Variants in TENM3 observed in about 807,000 individuals in gnomAD.
The protein encoded by TENM3 is teneurin-3.
In TENM3, 63 loss-of-function variants were observed where a neutral mutation model predicts 255.1. That is an observed-to-expected ratio of 0.25 (90% CI 0.20 to 0.30). The LOEUF is 0.30. Among genes scored for constraint, TENM3 ranks in the 10% least tolerant of loss-of-function variants. The pLI, the probability that TENM3 is intolerant of heterozygous loss-of-function variation, is 1.00. For missense variants in TENM3, 2,929 were observed against 3,461.1 expected, an observed-to-expected ratio of 0.85 and a Z score of 3.86; for synonymous variants, 1,306 against 1,322.3, an observed-to-expected ratio of 0.99 and a Z score of 0.27.
chr4:181,573,286 T>A, the TENM3 span, among the ~76,000 whole-genome samples: 2 of 152,344 alleles, frequency 1.3e-5, no homozygotes, highest in South Asian at 4.1e-4. Context: ...CATATGGTAG[T>A]TCTATTTTTA....
chr4:182,694,103 A>T (rs1401717169), intron 12 of TENM3, among the ~76,000 whole-genome samples: 1 of 151,548 alleles, frequency 6.6e-6, no homozygotes, highest in Non-Finnish European at 1.5e-5. Context: ...ATTTTTTTTT[A>T]ATTTTCATTT....
At chr4:181,972,686 G>T in the TENM3 span, among the ~76,000 whole-genome samples, 1 of 152,142 alleles carries the variant, frequency 6.6e-6, no homozygotes, top group Non-Finnish European at 1.5e-5. Flanking sequence ...CTGGTGCCCA[G>T]TGATTGCAGG....
chr4:181,689,418 G>T, the TENM3 span, among the ~76,000 whole-genome samples: 2 of 152,164 alleles, frequency 1.3e-5, no homozygotes, highest in African/African-American at 4.8e-5. Flanking sequence ...CTGTCAAGAT[G>T]GTTTCCCTGC....
At chr4:182,577,000 CCCCACCCACA>C (rs1373478624) in intron 3 of TENM3, among the ~76,000 whole-genome samples, 1 of 152,182 alleles carries the variant, frequency 6.6e-6, no homozygotes, top group Admixed American at 6.5e-5. Flanking sequence ...CCTGTCCCAG[CCCCACCCACA>C]CCCTCTGTGT....
the TENM3 span, among the ~76,000 whole-genome samples, chr4:181,801,877 G>A: frequency 8.6e-4 from 130 of 151,854 alleles, no homozygotes; most frequent in East Asian, 0.024. Context: ...TAATTTAGAG[G>A]CAAGTCACCA....
the TENM3 span, among the ~76,000 whole-genome samples, chr4:181,675,500 G>A: frequency 1.3e-5 from 2 of 151,986 alleles, no homozygotes; most frequent in Admixed American, 1.3e-4. Context: ...AGGCAAAATG[G>A]AATAAAAATA....
chr4:182,322,940 G>T (rs1041388180), intron 1 of TENM3, among the ~76,000 whole-genome samples: 2 of 152,170 alleles, frequency 1.3e-5, no homozygotes, highest in Non-Finnish European at 1.5e-5. Context: ...ACCAAAAAGT[G>T]ATTTTAGTGG....
intron 1 of TENM3, among the ~76,000 whole-genome samples, chr4:182,176,478 T>A (rs991293648): frequency 2.6e-5 from 4 of 152,190 alleles, no homozygotes; most frequent in African/African-American, 9.6e-5. Context: ...ATGTGTTCAT[T>A]ATTATTACTG....
chr4:181,700,519 T>C, the TENM3 span, among the ~76,000 whole-genome samples: 1 of 152,340 alleles, frequency 6.6e-6, no homozygotes, highest in Middle Eastern at 3.4e-3. Flanking sequence ...CATTCCATTT[T>C]GCATCTCATT....
At chr4:182,238,009 G>A (rs1288269398) in intron 1 of TENM3, among the ~76,000 whole-genome samples, 1 of 152,122 alleles carries the variant, frequency 6.6e-6, no homozygotes, top group African/African-American at 2.4e-5. Flanking sequence ...AAATATATAG[G>A]TTTCTTTTTT....
At chr4:181,687,475 A>G in the TENM3 span, among the ~76,000 whole-genome samples, 2 of 152,168 alleles carry the variant, frequency 1.3e-5, no homozygotes, top group Non-Finnish European at 2.9e-5. Flanking sequence ...ATCATTTTCA[A>G]CAACATTTTA....
chr4:181,823,232 A>T, the TENM3 span, among the ~76,000 whole-genome samples: 1 of 152,154 alleles, frequency 6.6e-6, no homozygotes, highest in East Asian at 1.9e-4. Context: ...CAGAACTGGG[A>T]TATGTGAGGA....
the TENM3 span, among the ~76,000 whole-genome samples, chr4:182,082,855 A>G: frequency 3.3e-5 from 5 of 152,182 alleles, no homozygotes; most frequent in Non-Finnish European, 7.3e-5. Flanking sequence ...AACGGCCTTT[A>G]TTAAGGGGTA....
At chr4:181,751,755 T>C in the TENM3 span, among the ~76,000 whole-genome samples, 1 of 152,160 alleles carries the variant, frequency 6.6e-6, no homozygotes, top group Admixed American at 6.5e-5. Context: ...CATCCAAGTT[T>C]AGTTTTTTTC....
chr4:182,486,253 T>G (rs183952992), intron 3 of TENM3, among the ~76,000 whole-genome samples: 2 of 113,174 alleles, frequency 1.8e-5, no homozygotes, highest in Admixed American at 2.6e-4. Flanking sequence ...TTAAAAAGAT[T>G]TAAAAAAGAA....
At chr4:181,837,305 T>C in the TENM3 span, among the ~76,000 whole-genome samples, 1 of 152,348 alleles carries the variant, frequency 6.6e-6, no homozygotes, top group Middle Eastern at 3.4e-3. Context: ...TCTCAGAATA[T>C]TTTAAATGTT....
At chr4:182,231,951 T>A (rs191210210) in intron 1 of TENM3, among the ~76,000 whole-genome samples, 1 of 152,232 alleles carries the variant, frequency 6.6e-6, no homozygotes, top group African/African-American at 2.4e-5. Context: ...CCTGCCTGGT[T>A]TGCATATTTT....
At chr4:182,281,504 TTTG>T (rs796276127) in intron 1 of TENM3, among the ~76,000 whole-genome samples, 4 of 152,174 alleles carry the variant, frequency 2.6e-5, no homozygotes, top group African/African-American at 9.6e-5. Context: ...AACCAAGTTT[TTTG>T]TTGTTGGTGG....
At chr4:181,516,038 CT>C in the TENM3 span, among the ~76,000 whole-genome samples, 1 of 152,112 alleles carries the variant, frequency 6.6e-6, no homozygotes, top group East Asian at 1.9e-4. Flanking sequence ...ATATCATGTC[CT>C]TTGCAGGTAC....
Sources: allele counts gnomAD v4.1 joint callset (sites outside exome capture counted in the v4.1 genomes callset), GRCh38; gene constraint gnomAD v4.1.1; transcripts MANE v1.5; gene names NCBI Gene and HGNC (gene_info 2026-07-23, HGNC 2026-07-21).